Variants in NDUFA8 observed in about 807,000 individuals in gnomAD.
The protein encoded by NDUFA8 is NADH:ubiquinone oxidoreductase subunit A8.
A neutral mutation model predicts 20.9 loss-of-function variants in NDUFA8; 16 were observed. That is an observed-to-expected ratio of 0.77 (90% confidence interval 0.52 to 1.16). NDUFA8 has a LOEUF of 1.16. NDUFA8 is among the 50% of genes most tolerant of loss of function. The probability of loss-of-function intolerance (pLI) is 0.00; values close to 1 mark genes in which losing one functional copy is unlikely to be tolerated. For missense variants in NDUFA8, 202 were observed against 216.4 expected (o/e 0.93, Z 0.42); for synonymous variants, 70 against 76.1 (o/e 0.92, Z 0.41).
chr9:122,135,915 G>C, the NDUFA8 span, among the ~76,000 whole-genome samples: 9 of 152,300 alleles, frequency 5.9e-5, no homozygotes, highest in African/African-American at 2.2e-4. Flanking sequence ...TTCTGCTTCT[G>C]CCAGAGATAA....
chr9:122,132,596 C>T, the NDUFA8 span, among the ~76,000 whole-genome samples: 1 of 152,092 alleles, frequency 6.6e-6, no homozygotes, highest in African/African-American at 2.4e-5. Flanking sequence ...GTGTTCCAAT[C>T]CTGACTGGCT....
At chr9:122,154,006 T>G (rs1416705644) in intron 1 of NDUFA8, among the ~76,000 whole-genome samples, 7 of 152,210 alleles carry the variant, frequency 4.6e-5, no homozygotes. Context: ...TTCCTCTCTG[T>G]AAGCACAGTT....
the NDUFA8 span, among the ~76,000 whole-genome samples, chr9:122,136,599 C>T: frequency 6.6e-6 from 1 of 152,072 alleles, no homozygotes; most frequent in Non-Finnish European, 1.5e-5. Context: ...CTCTGTCACC[C>T]AGGCTGGAGC....
Position 122,148,146 on chromosome 9 carries a change from C to A in NDUFA8, c.347G>T (p.Gly116Val). The change falls in exon 3 of 4, where the codon GGC becomes GTC. Residue 116 changes from glycine to valine, a missense_variant. By Grantham distance (109) the Gly-to-Val change is moderately radical (BLOSUM62 -3). Coordinates refer to ENST00000373768, the MANE Select transcript of NDUFA8 (RefSeq NM_014222.3). ...KFDECVLDKLGWVRPDLGELS... is the reference protein window; with the variant it reads ...KFDECVLDKLVWVRPDLGELS... ...TTCTCCCAGGTCAGGCCGCACCCAG[C>A]CCAGTTTGTCCAGCACACACTCGTC... 2 of 1,614,158 alleles carry A rather than the reference C, an allele frequency of 1.2e-6. No homozygotes were observed. The highest frequency in any genetic ancestry group is 1.7e-6 in the Non-Finnish European group (2 of 1,180,022).
chr9:122,157,676 G>C (rs113288052), intron 1 of NDUFA8, among the ~76,000 whole-genome samples: 1 of 133,230 alleles, frequency 7.5e-6, no homozygotes, highest in Non-Finnish European at 1.5e-5. Flanking sequence ...GGGGCAGGGG[G>C]GTGGTTCGCC....
At chr9:122,151,282 C>T (rs1828992945) in intron 2 of NDUFA8, among the ~76,000 whole-genome samples, 1 of 152,148 alleles carries the variant, frequency 6.6e-6, no homozygotes, top group Admixed American at 6.5e-5. Flanking sequence ...CAACCCCTCC[C>T]TGTCTCTCAG....
At position 122,148,262 on chromosome 9, in the gene NDUFA8, G is replaced by C; in HGVS notation, c.231C>G (p.His77Gln). 3 of 1,614,168 alleles carry C rather than the reference G, an allele frequency of 1.9e-6. No individual in the cohort carries two copies. The highest frequency in any genetic ancestry group is 2.2e-5 in the East Asian group (1 of 44,872). The change falls in exon 3 of 4, where the codon CAC becomes CAG. Residue 77 changes from histidine to glutamine, a missense_variant. Physicochemically the swap from His to Gln is conservative, Grantham distance 24. Transcript: ENST00000373768. ...ALDFFRQIKRHCAEPFTEYWT... is the reference protein window; with the variant it reads ...ALDFFRQIKRQCAEPFTEYWT... ...AATATTCTGTAAAAGGCTCTGCACA[G>C]TGACGTTTTATCTGCCTGGAAAAGA... is the stretch of plus-strand genomic sequence containing the variant.
At chr9:122,134,254 C>T in the NDUFA8 span, among the ~76,000 whole-genome samples, 1 of 152,056 alleles carries the variant, frequency 6.6e-6, no homozygotes, top group Non-Finnish European at 1.5e-5. Flanking sequence ...CAAGCATTTC[C>T]GCATGTGTTA....
chr9:122,155,066 A>G (rs928661514), intron 1 of NDUFA8, among the ~76,000 whole-genome samples: 5 of 152,110 alleles, frequency 3.3e-5, no homozygotes. Context: ...AACAGTCTGT[A>G]ATTTTATTTT....
Position 122,144,357 on chromosome 9 carries a change from G to T in NDUFA8, c.403C>A (p.Arg135=), listed in dbSNP as rs760549929. 5 of 1,613,998 alleles carry T rather than the reference G, an allele frequency of 3.1e-6. No individual in the cohort carries two copies. The highest frequency in any genetic ancestry group is 4.2e-6 in the Non-Finnish European group (5 of 1,179,998). Residue 135 remains arginine (R), a synonymous_variant, in exon 4 of 4, where the codon CGA becomes AGA. Transcript: ENST00000373768. ...LSKVTKVKTD[R]PLPENPYHSR... ...TGATAGGGATTCTCCGGTAAAGGTC[G>T]ATCTGTTTTCACTTTGGTGACCTGG...
chr9:122,134,749 C>T, the NDUFA8 span, among the ~76,000 whole-genome samples: 1,101 of 152,294 alleles, frequency 7.2e-3, 9 homozygotes, highest in Non-Finnish European at 0.01. Flanking sequence ...TTTGGGCCTC[C>T]GTTTCCCCAT....
chr9:122,142,598 T>G (rs1351033983), downstream of NDUFA8, among the ~76,000 whole-genome samples: 1 of 152,194 alleles, frequency 6.6e-6, no homozygotes, highest in African/African-American at 2.4e-5. Flanking sequence ...CTACCACTTC[T>G]TATATATGAG....
chr9:122,148,327 A>C (rs1241244912), intron 2 of NDUFA8, 50 bp from the exon 3 acceptor site: 1 of 1,606,528 alleles, frequency 6.2e-7, no homozygotes, highest in Admixed American at 1.7e-5. Flanking sequence ...ACAATGAAAA[A>C]CAGAAAAGTG....
chr9:122,134,798 C>T, the NDUFA8 span, among the ~76,000 whole-genome samples: 3 of 152,298 alleles, frequency 2.0e-5, no homozygotes, highest in South Asian at 6.2e-4. Flanking sequence ...CTGGGGGTCT[C>T]ACAATTCCGA....
chr9:122,141,697 G>T (rs1266158111), downstream of NDUFA8, among the ~76,000 whole-genome samples: 3 of 152,172 alleles, frequency 2.0e-5, no homozygotes, highest in Non-Finnish European at 4.4e-5. Context: ...TCCTGTTCAG[G>T]AATCCTTCCC....
chr9:122,141,445 C>T (rs990233125), downstream of NDUFA8, among the ~76,000 whole-genome samples: 36 of 152,056 alleles, frequency 2.4e-4, no homozygotes, highest in African/African-American at 7.5e-4. Flanking sequence ...CAAATGAGAG[C>T]GATTACAGAA....
At chr9:122,159,517 TG>T in intron 1 of NDUFA8, 109 bp downstream of exon 1, 4 of 1,365,922 alleles carry the variant, frequency 2.9e-6, no homozygotes, top group Non-Finnish European at 4.2e-6. Flanking sequence ...GTTGGAGGAC[TG>T]GGGAGGGGGG....
downstream of NDUFA8, among the ~76,000 whole-genome samples, chr9:122,141,155 G>A (rs1828813978): frequency 1.3e-5 from 2 of 152,212 alleles, no homozygotes; most frequent in South Asian, 4.1e-4. Context: ...ATGCTGTAGA[G>A]TATAGGCTAC....
At chr9:122,152,518 G>T in intron 1 of NDUFA8, 110 bp from the exon 2 acceptor site, 2 of 1,015,772 alleles carry the variant, frequency 2.0e-6, no homozygotes, top group Non-Finnish European at 3.0e-6. Flanking sequence ...GCACTGTTCT[G>T]ACTTTACCAA....
Sources: allele counts gnomAD v4.1 joint callset (sites outside exome capture counted in the v4.1 genomes callset), GRCh38; gene constraint gnomAD v4.1.1; transcripts MANE v1.5; gene names NCBI Gene and HGNC (gene_info 2026-07-23, HGNC 2026-07-21).